ERBB4: variants seen among roughly 807,000 people sequenced by gnomAD.
ERBB4 encodes erb-b2 receptor tyrosine kinase 4.
In ERBB4, 42 loss-of-function variants were observed where a neutral mutation model predicts 158.0. The ratio of observed to expected loss-of-function variants is 0.27; its 90% CI spans 0.21 to 0.34. The LOEUF is 0.34. Ranked by LOEUF, ERBB4 falls within the 10% of genes least tolerant of loss-of-function variation. ERBB4 has a pLI of 1.00. For synonymous variants in ERBB4, 583 were observed against 558.7 expected, an observed-to-expected ratio of 1.04 and a Z score of -0.61; for missense variants, 1,333 against 1,624.1, an observed-to-expected ratio of 0.82 and a Z score of 3.08.
chr2:211,998,661 A>T (rs2076029380), intron 2 of ERBB4, among the ~76,000 whole-genome samples: 1 of 151,886 alleles, frequency 6.6e-6, no homozygotes, highest in South Asian at 2.1e-4. Context: ...AAATGATAAT[A>T]GTTCTTTAAG....
At chr2:211,755,317 C>A (rs2075265190) in intron 4 of ERBB4, among the ~76,000 whole-genome samples, 2 of 152,182 alleles carry the variant, frequency 1.3e-5, no homozygotes, top group Admixed American at 6.5e-5. Context: ...GCTTGGGCAA[C>A]ATGGCAAAAC....
chr2:212,168,844 T>C (rs1404653621), intron 1 of ERBB4, among the ~76,000 whole-genome samples: 2 of 152,162 alleles, frequency 1.3e-5, no homozygotes, highest in East Asian at 1.9e-4. Context: ...TAAAGAATGA[T>C]AGAGTTGAGG....
intron 1 of ERBB4, among the ~76,000 whole-genome samples, chr2:212,245,095 C>T (rs2084261839): frequency 6.6e-6 from 1 of 151,980 alleles, no homozygotes; most frequent in Non-Finnish European, 1.5e-5. Flanking sequence ...TAAAACTGTG[C>T]TTTAAAAACA....
chr2:212,022,344 A>G (rs1481378729), intron 2 of ERBB4, among the ~76,000 whole-genome samples: 2 of 152,204 alleles, frequency 1.3e-5, no homozygotes, highest in Non-Finnish European at 2.9e-5. Flanking sequence ...ATAAAATACT[A>G]TGCAGCCATA....
chr2:211,555,682 G>T (rs1574740098), intron 20 of ERBB4, among the ~76,000 whole-genome samples: 1 of 152,266 alleles, frequency 6.6e-6, no homozygotes, highest in East Asian at 1.9e-4. Context: ...CATTCTTAAA[G>T]AAGAGAAATT....
chr2:211,903,000 T>C (rs139315430), intron 3 of ERBB4, among the ~76,000 whole-genome samples: 50 of 152,150 alleles, frequency 3.3e-4, no homozygotes, highest in African/African-American at 1.1e-3. Flanking sequence ...CTGAAATATA[T>C]CACAAATTAA....
intron 1 of ERBB4, among the ~76,000 whole-genome samples, chr2:212,272,498 G>GT (rs1428432893): frequency 4.6e-5 from 7 of 151,826 alleles, no homozygotes; most frequent in Admixed American, 1.3e-4. Flanking sequence ...ATGCTCACAG[G>GT]TTTTCTCTCT....
chr2:211,426,250 G>A (rs568698418), intron 22 of ERBB4, among the ~76,000 whole-genome samples: 1 of 152,248 alleles, frequency 6.6e-6, no homozygotes, highest in South Asian at 2.1e-4. Context: ...AAAGAACAAT[G>A]TCAGGAAAGC....
intron 12 of ERBB4, among the ~76,000 whole-genome samples, chr2:211,683,189 G>A (rs1056636719): frequency 1.3e-5 from 2 of 151,902 alleles, no homozygotes; most frequent in Non-Finnish European, 2.9e-5. Context: ...TAGATACCCA[G>A]TTTTATCTCA....
intron 1 of ERBB4, among the ~76,000 whole-genome samples, chr2:212,412,115 C>T (rs1247613189): frequency 1.3e-5 from 2 of 152,200 alleles, no homozygotes; most frequent in African/African-American, 4.8e-5. Context: ...CATGCCCACA[C>T]CCATTCCCTT....
chr2:211,613,089 G>A (rs535856121), intron 19 of ERBB4, among the ~76,000 whole-genome samples: 2 of 151,996 alleles, frequency 1.3e-5, no homozygotes, highest in South Asian at 2.1e-4. Context: ...ATTAAGGATG[G>A]AGACAAGGTC....
At chr2:211,669,874 G>A (rs2071773089) in intron 14 of ERBB4, among the ~76,000 whole-genome samples, 1 of 152,086 alleles carries the variant, frequency 6.6e-6, no homozygotes, top group South Asian at 2.1e-4. Context: ...GCTGACTTTT[G>A]GAGTAACTTT....
At chr2:212,210,341 TGAA>T (rs2082896059) in intron 1 of ERBB4, among the ~76,000 whole-genome samples, 1 of 151,818 alleles carries the variant, frequency 6.6e-6, no homozygotes, top group Admixed American at 6.6e-5. Flanking sequence ...TTAAAAGTAA[TGAA>T]ACTAAAACAG....
intron 20 of ERBB4, among the ~76,000 whole-genome samples, chr2:211,477,833 C>T (rs553231057): frequency 9.9e-5 from 15 of 152,134 alleles, no homozygotes; most frequent in East Asian, 7.7e-4. Context: ...CTTTGTGGAA[C>T]GACTGACCTA....
intron 3 of ERBB4, among the ~76,000 whole-genome samples, chr2:211,912,505 T>C (rs574015022): frequency 1.4e-4 from 21 of 152,228 alleles, no homozygotes; most frequent in African/African-American, 5.1e-4. Context: ...AATTATAAAT[T>C]GTCAACTTAC....
chr2:212,405,447 G>A (rs991650801), intron 1 of ERBB4, among the ~76,000 whole-genome samples: 3 of 151,964 alleles, frequency 2.0e-5, no homozygotes, highest in Non-Finnish European at 2.9e-5. Context: ...AGAACTAAAG[G>A]CAGAACTACC....
intron 3 of ERBB4, among the ~76,000 whole-genome samples, chr2:211,822,146 G>A: frequency 6.6e-6 from 1 of 151,962 alleles, no homozygotes; most frequent in African/African-American, 2.4e-5. Flanking sequence ...AGGTTGGGAA[G>A]GGTAGGGGAA....
chr2:212,255,521 G>A (rs2084696395), intron 1 of ERBB4, among the ~76,000 whole-genome samples: 1 of 152,166 alleles, frequency 6.6e-6, no homozygotes. Context: ...CTTGCTGTAA[G>A]AGGTACAGGT....
chr2:212,349,287 TCACACACACA>T (rs3040350), intron 1 of ERBB4, among the ~76,000 whole-genome samples: 2 of 146,374 alleles, frequency 1.4e-5, no homozygotes, highest in African/African-American at 5.0e-5. Context: ...AACTTCTTAA[TCACACACACA>T]CACACACACA....
Sources: allele counts gnomAD v4.1 joint callset (sites outside exome capture counted in the v4.1 genomes callset), GRCh38; gene constraint gnomAD v4.1.1; transcripts MANE v1.5; gene names NCBI Gene and HGNC (gene_info 2026-07-23, HGNC 2026-07-21).